The following DTNA variants were observed in gnomAD, a reference collection of about 807,000 sequenced individuals.
DTNA encodes the protein dystrophin-related protein 3.
In DTNA, 43 loss-of-function variants were observed where a neutral mutation model predicts 100.7. That is an observed-to-expected ratio of 0.43 (90% confidence interval 0.33 to 0.55). The LOEUF (loss-of-function observed/expected upper bound fraction) is 0.55. Ranked by LOEUF, DTNA falls within the 20% of genes least tolerant of loss-of-function variation. DTNA has a pLI of 0.04. For synonymous variants in DTNA, 349 were observed against 347.9 expected, an observed-to-expected ratio of 1.00 and a Z score of -0.04; for missense variants, 798 against 953.9, an observed-to-expected ratio of 0.84 and a Z score of 2.15.
chr18:34,863,838 T>C (rs2096660809), intron 16 of DTNA, 128 bp from the exon 17 acceptor site: 5 of 844,050 alleles, frequency 5.9e-6, no homozygotes, highest in Non-Finnish European at 7.8e-6. Context: ...AACAGTTCCC[T>C]GCCTGGTAAC....
At chr18:34,679,831 C>G (rs1050452080) in intron 1 of DTNA, among the ~76,000 whole-genome samples, 6 of 152,010 alleles carry the variant, frequency 3.9e-5, no homozygotes, top group African/African-American at 1.2e-4. Context: ...TATCAGAAAC[C>G]ATCTGAACTG....
At chr18:34,879,251 T>C (rs1348972707) in intron 19 of DTNA, among the ~76,000 whole-genome samples, 1 of 152,238 alleles carries the variant, frequency 6.6e-6, no homozygotes, top group East Asian at 1.9e-4. Context: ...ACAATTTTAG[T>C]TAAGTCTCTT....
intron 1 of DTNA, among the ~76,000 whole-genome samples, chr18:34,605,903 A>G (rs1338743102): frequency 6.6e-6 from 1 of 151,980 alleles, no homozygotes; most frequent in Non-Finnish European, 1.5e-5. Flanking sequence ...ACTACCCAAA[A>G]TCTCTCATTG....
At chr18:34,555,993 G>A (rs1218644798) in intron 1 of DTNA, among the ~76,000 whole-genome samples, 1 of 150,008 alleles carries the variant, frequency 6.7e-6, no homozygotes, top group Admixed American at 6.6e-5. Context: ...CATTATTAAT[G>A]TGTGGGAGTC....
At chr18:34,759,605 C>T (rs4799368) in intron 2 of DTNA, among the ~76,000 whole-genome samples, 117,251 of 152,146 alleles carry the variant, frequency 0.77, 46,067 homozygotes, top group East Asian at 0.96. Context: ...GTGATGCCAC[C>T]GGCCTGTCAG....
At chr18:34,739,120 C>T (rs1276478560) in intron 1 of DTNA, among the ~76,000 whole-genome samples, 7 of 152,140 alleles carry the variant, frequency 4.6e-5, no homozygotes, top group East Asian at 1.9e-4. Context: ...TGGAATACTA[C>T]GCTTGAGCTT....
chr18:34,855,237 A>G (rs1309518097), intron 15 of DTNA, among the ~76,000 whole-genome samples: 3 of 152,250 alleles, frequency 2.0e-5, no homozygotes, highest in Non-Finnish European at 4.4e-5. Context: ...ACCAGACCAA[A>G]GAATTTTAAT....
At chr18:34,669,960 T>C (rs113563315) in intron 1 of DTNA, among the ~76,000 whole-genome samples, 8,243 of 152,246 alleles carry the variant, frequency 0.054, 284 homozygotes, top group Non-Finnish European at 0.075. Flanking sequence ...TTTCCTGAAT[T>C]TGAATGTTGG....
chr18:34,689,104 A>G (rs1156254929), intron 1 of DTNA, among the ~76,000 whole-genome samples: 1 of 152,034 alleles, frequency 6.6e-6, no homozygotes, highest in Non-Finnish European at 1.5e-5. Flanking sequence ...CCTTTACCTC[A>G]GAGGAGTTTG....
intron 16 of DTNA, among the ~76,000 whole-genome samples, chr18:34,860,220 G>GTTTTTTTTTTTT (rs55673388): frequency 2.5e-5 from 2 of 80,280 alleles, no homozygotes; most frequent in Non-Finnish European, 4.8e-5. Context: ...CTAATTTTTT[G>GTTTTTTTTTTTT]TTTTTTTTTT....
At chr18:34,786,093 C>T (rs994045649) in intron 3 of DTNA, among the ~76,000 whole-genome samples, 1 of 152,184 alleles carries the variant, frequency 6.6e-6, no homozygotes, top group Non-Finnish European at 1.5e-5. Flanking sequence ...GCAATTTTTT[C>T]TTAAAGTCTA....
intron 1 of DTNA, among the ~76,000 whole-genome samples, chr18:34,682,067 GT>G (rs2078211189): frequency 6.6e-6 from 1 of 152,048 alleles, no homozygotes; most frequent in Non-Finnish European, 1.5e-5. Flanking sequence ...GCCTTTTCAG[GT>G]TGGCCTCTTT....
At chr18:34,630,565 C>T (rs917236692) in intron 1 of DTNA, among the ~76,000 whole-genome samples, 1 of 151,914 alleles carries the variant, frequency 6.6e-6, no homozygotes, top group African/African-American at 2.4e-5. Context: ...TTATTTGGAG[C>T]GAAGAGGTTC....
chr18:34,519,341 C>T (rs941975684), intron 1 of DTNA, among the ~76,000 whole-genome samples: 1 of 152,042 alleles, frequency 6.6e-6, no homozygotes, highest in Non-Finnish European at 1.5e-5. Context: ...AAACAGAAAT[C>T]ATAAAACTCT....
chr18:34,770,024 G>A (rs1420804690), intron 3 of DTNA, among the ~76,000 whole-genome samples: 1 of 151,778 alleles, frequency 6.6e-6, no homozygotes, highest in Admixed American at 6.6e-5. Context: ...CCTGGCCTGG[G>A]GCCTCTTTTA....
intron 1 of DTNA, among the ~76,000 whole-genome samples, chr18:34,693,929 A>T (rs1326256774): frequency 6.6e-6 from 1 of 152,216 alleles, no homozygotes; most frequent in Non-Finnish European, 1.5e-5. Flanking sequence ...AAAACGTAAA[A>T]CAGTGCAATC....
chr18:34,643,854 C>A (rs2059553512), intron 1 of DTNA, among the ~76,000 whole-genome samples: 1 of 152,068 alleles, frequency 6.6e-6, no homozygotes, highest in Non-Finnish European at 1.5e-5. Flanking sequence ...TGTTAAATAT[C>A]CATACATTAT....
chr18:34,881,978 G>A, intron 20 of DTNA, 91 bp from the exon 21 acceptor site: 2 of 1,563,008 alleles, frequency 1.3e-6, no homozygotes, highest in Admixed American at 3.3e-5. Context: ...GGGAAATAAA[G>A]GTGCCAACGA....
At chr18:34,508,157 A>G (rs2040681132) in intron 1 of DTNA, among the ~76,000 whole-genome samples, 1 of 152,152 alleles carries the variant, frequency 6.6e-6, no homozygotes, top group Non-Finnish European at 1.5e-5. Flanking sequence ...TGTTTCTCAT[A>G]GTTGCCAAGT....
Sources: gnomAD v4.1 joint callset for allele counts (sites outside exome capture counted in the v4.1 genomes callset) on GRCh38, gnomAD v4.1.1 for gene constraint, MANE v1.5 for transcripts, NCBI Gene and HGNC (gene_info 2026-07-23, HGNC 2026-07-21) for gene names.